The following EFHC2 variants were observed in gnomAD, a reference collection of about 807,000 sequenced individuals.
EFHC2 encodes EF-hand domain-containing family member C2.
In EFHC2, 18 loss-of-function variants were observed where a neutral mutation model predicts 52.7. The ratio of observed to expected loss-of-function variants is 0.34; its 90% CI spans 0.24 to 0.51. The LOEUF is 0.51. Among genes scored for constraint, EFHC2 ranks in the 20% least tolerant of loss-of-function variants. EFHC2 has a pLI of 0.97. For synonymous variants in EFHC2, 203 were observed against 204.1 expected (o/e 0.99, Z 0.04); for missense variants, 513 against 562.5 (o/e 0.91, Z 0.89).
intron 12 of EFHC2, among the ~76,000 whole-genome samples, chrX:44,177,454 G>A (rs1490172237): frequency 2.7e-5 from 3 of 111,614 alleles, no homozygotes; most frequent in South Asian, 3.7e-4. Flanking sequence ...GCAGCAATAC[G>A]GATTAGAAGC....
Position 44,148,051 on chromosome X carries a change from A to C in EFHC2, c.*744T>G, listed in dbSNP as rs937028158. On this transcript the variant is annotated 3_prime_UTR_variant, in exon 15 of 15. Transcript: ENST00000420999. ...GTGTGTAAAACAAACCAAAAAAAAA[A>C]CAAAAATCTCAAAATCTTCAGCTTT... The C allele has an allele frequency of 9.0e-6, 1 of 111,443 alleles. No individual in the cohort carries two copies. Among genetic ancestry groups the C allele is most frequent in the African/African-American group, 3.3e-5 (1 of 30,749 alleles). 9.2% of individuals were successfully genotyped at this position (111,443 alleles called of 1,213,427 possible). A position where few individuals can be genotyped will look rare whatever the true frequency, so the allele number is the denominator to read the frequency against.
At chrX:44,164,433 C>T (rs2036680775) in intron 13 of EFHC2, among the ~76,000 whole-genome samples, 1 of 111,869 alleles carries the variant, frequency 8.9e-6, no homozygotes, top group African/African-American at 3.2e-5. Context: ...AATTGCATAC[C>T]TTTTAAATCT....
intron 1 of EFHC2, among the ~76,000 whole-genome samples, chrX:44,342,906 A>G (rs983342738): frequency 9.3e-6 from 1 of 107,582 alleles, no homozygotes; most frequent in Non-Finnish European, 1.9e-5. Flanking sequence ...ACCCCTCCCA[A>G]TTATAAATAG....
intron 2 of EFHC2, chrX:44,310,215 T>C: frequency 2.8e-6 from 2 of 720,472 alleles, no homozygotes; most frequent in Middle Eastern, 2.9e-4. Flanking sequence ...CCAGATATCA[T>C]GGTACTCGAT....
chrX:44,238,551 C>T (rs1210754483), intron 8 of EFHC2, among the ~76,000 whole-genome samples: 2 of 111,187 alleles, frequency 1.8e-5, no homozygotes, highest in Non-Finnish European at 3.8e-5. Flanking sequence ...TACCCAGTCC[C>T]CCATACACTC....
intron 2 of EFHC2, among the ~76,000 whole-genome samples, chrX:44,301,460 T>A (rs1242671712): frequency 8.9e-5 from 10 of 112,045 alleles, no homozygotes; most frequent in Non-Finnish European, 3.8e-5. Context: ...AATTCCCCTA[T>A]CTTGATAAAT....
chrX:44,166,495 G>A (rs1340497731), intron 13 of EFHC2, among the ~76,000 whole-genome samples: 1 of 111,114 alleles, frequency 9.0e-6, no homozygotes, highest in Non-Finnish European at 1.9e-5. Context: ...GAGCAAGTGG[G>A]GCTATGAGTC....
At chrX:44,166,331 A>AG (rs1429572645) in intron 13 of EFHC2, among the ~76,000 whole-genome samples, 5 of 111,210 alleles carry the variant, frequency 4.5e-5, no homozygotes, top group Non-Finnish European at 9.4e-5. Context: ...TAAGAGAGAG[A>AG]GGGAAAAAGA....
At chrX:44,274,749 G>C (rs762811323) in intron 2 of EFHC2, among the ~76,000 whole-genome samples, 10 of 110,408 alleles carry the variant, frequency 9.1e-5, no homozygotes, top group Non-Finnish European at 1.9e-4. Flanking sequence ...AAAATTAGTC[G>C]GGCTTGGTTA....
intron 11 of EFHC2, among the ~76,000 whole-genome samples, chrX:44,223,483 C>A (rs748182279): frequency 4.0e-5 from 4 of 100,940 alleles, no homozygotes; most frequent in Non-Finnish European, 8.0e-5. Flanking sequence ...TGTGAACCAC[C>A]CAGGCTCCTT....
rs1245959389 is a variant in EFHC2, at chrX:44,180,074, T to C, written c.1752-1510A>G. Among the ~76,000 whole-genome samples the C allele has an allele frequency of 4.5e-5, 5 of 111,836 alleles. No homozygotes were observed. In the East Asian group the frequency reaches 1.4e-3, roughly 31 times the overall value. ...ACAAAAGCCAGAATGTGAACCCGTG[T>C]AGTCTGGCTCTAAAGCTCATGCTCT... On this transcript the variant is annotated intron_variant, in intron 11 of 14. Coordinates refer to ENST00000420999, the MANE Select transcript of EFHC2 (RefSeq NM_025184.4).
intron 1 of EFHC2, among the ~76,000 whole-genome samples, chrX:44,318,900 T>C (rs1390413001): frequency 9.0e-6 from 1 of 111,280 alleles, no homozygotes; most frequent in Non-Finnish European, 1.9e-5. Flanking sequence ...CCATTAAAGT[T>C]TCCCGAGGGA....
At chrX:44,320,345 A>T (rs1196803079) in intron 1 of EFHC2, among the ~76,000 whole-genome samples, 1 of 111,926 alleles carries the variant, frequency 8.9e-6, no homozygotes, top group Non-Finnish European at 1.9e-5. Context: ...TGTCACATCC[A>T]CAGTGTTCAG....
At chrX:44,191,227 T>G (rs932804012) in intron 11 of EFHC2, among the ~76,000 whole-genome samples, 1 of 110,872 alleles carries the variant, frequency 9.0e-6, no homozygotes, top group Non-Finnish European at 1.9e-5. Context: ...TAAATCATTG[T>G]CTTGTTTTTA....
intron 13 of EFHC2, among the ~76,000 whole-genome samples, chrX:44,175,334 C>G (rs929197819): frequency 4.5e-5 from 5 of 111,395 alleles, no homozygotes; most frequent in African/African-American, 1.6e-4. Flanking sequence ...CAATGTGGGT[C>G]AGAACAAGAA....
intron 3 of EFHC2, among the ~76,000 whole-genome samples, chrX:44,270,703 C>T (rs751227391): frequency 9.9e-5 from 11 of 111,120 alleles, no homozygotes; most frequent in Non-Finnish European, 1.9e-4. Context: ...CTCAATTTGG[C>T]CACTCATTCA....
chrX:44,268,075 A>C lies in EFHC2; in HGVS notation c.382+4611T>G, dbSNP rs2037590843. Among the ~76,000 whole-genome samples, 6 of 111,992 alleles carry C rather than the reference A, an allele frequency of 5.4e-5. No individual in the cohort carries two copies. In the Admixed American group the frequency reaches 5.7e-4, roughly 11 times the overall value. Reference sequence around the variant, plus strand: ...TTCAATGTCATTACGCAGCGTGATTACTGTGTATTCTATACACAACTCTTG... The same window carrying C: ...TTCAATGTCATTACGCAGCGTGATTCCTGTGTATTCTATACACAACTCTTG... On this transcript the variant is annotated intron_variant, in intron 3 of 14. Coordinates refer to ENST00000420999, the MANE Select transcript of EFHC2 (RefSeq NM_025184.4).
intron 3 of EFHC2, among the ~76,000 whole-genome samples, chrX:44,270,649 T>C (rs1440618947): frequency 9.0e-6 from 1 of 111,625 alleles, no homozygotes. Flanking sequence ...ATGCTAAATA[T>C]ATAAGGACAC....
chrX:44,251,390 G>A (rs759832500), intron 4 of EFHC2, among the ~76,000 whole-genome samples: 30 of 103,950 alleles, frequency 2.9e-4, no homozygotes, highest in Non-Finnish European at 4.9e-4. Flanking sequence ...ACAGTGGGTC[G>A]ATCACTTGAG....
Sources: gnomAD v4.1 joint callset for allele counts (sites outside exome capture counted in the v4.1 genomes callset) on GRCh38, gnomAD v4.1.1 for gene constraint, MANE v1.5 for transcripts, NCBI Gene and HGNC (gene_info 2026-07-23, HGNC 2026-07-21) for gene names.